The following ENOX1 variants were observed in gnomAD, a reference collection of about 807,000 sequenced individuals.
The protein encoded by ENOX1 is candidate growth-related and time keeping constitutive hydroquinone (NADH) oxidase.
Under a neutral mutation model 82.5 loss-of-function variants are expected in ENOX1, and 42 were observed. The observed-to-expected ratio is 0.51, with a 90% confidence interval of 0.40 to 0.66. ENOX1 has a LOEUF of 0.66. ENOX1 is among the 30% of genes least tolerant of loss of function. ENOX1 has a pLI of 0.00. For synonymous variants in ENOX1, 271 were observed against 282.2 expected (o/e 0.96, Z 0.40); for missense variants, 608 against 811.6 (o/e 0.75, Z 3.05).
In ENOX1 at chr13:43,780,139, C is replaced by A. The variant is rs547225127; in HGVS notation, c.-285+6513G>T. Among the ~76,000 whole-genome samples, 43 of 146,346 alleles carry A rather than the reference C, an allele frequency of 2.9e-4. No homozygotes were observed. In the East Asian group the frequency reaches 8.6e-3, roughly 29 times the overall value. ...TGGTGCCACTGCACTCCAGCCTGGG[C>A]GACAGAGCGAGACTCTGTCTCAAAA... On this transcript the variant is annotated intron_variant, in intron 1 of 16. Transcript: ENST00000690772.
intron 1 of ENOX1, among the ~76,000 whole-genome samples, chr13:43,781,342 G>C (rs1487473188): frequency 2.0e-5 from 3 of 152,076 alleles, no homozygotes; most frequent in African/African-American, 7.2e-5. Context: ...GTAGGTACCG[G>C]GCACTGTTCT....
intron 2 of ENOX1, among the ~76,000 whole-genome samples, chr13:43,577,670 C>G (rs1304001836): frequency 6.6e-6 from 1 of 152,218 alleles, no homozygotes; most frequent in Non-Finnish European, 1.5e-5. Flanking sequence ...CAAAGGACCC[C>G]ACTTCACAAT....
rs1220568182 is a variant in ENOX1, at chr13:43,294,874, C to T, written c.1446+3472G>A. On this transcript the variant is annotated intron_variant, in intron 12 of 16. Transcript: ENST00000690772. ...TGCTAAAGAAAGAAGCCCAACTCAA[C>T]AGGTTGCCTACTGTTCAATTCCCCT... Among the ~76,000 whole-genome samples the T allele has an allele frequency of 2.6e-5, 4 of 152,276 alleles. No homozygotes were observed. The East Asian group carries it at 7.7e-4, about 29-fold the overall frequency.
chr13:43,769,670 G>A (rs977633160), intron 1 of ENOX1, among the ~76,000 whole-genome samples: 4 of 152,134 alleles, frequency 2.6e-5, no homozygotes, highest in African/African-American at 9.7e-5. Context: ...CACCCACCAA[G>A]CACTAGGCTT....
At chr13:43,380,271 A>T (rs560382299) in intron 5 of ENOX1, among the ~76,000 whole-genome samples, 48 of 151,850 alleles carry the variant, frequency 3.2e-4, no homozygotes, top group African/African-American at 9.1e-4. Flanking sequence ...AGAAAAAAAA[A>T]ATTTTTACTT....
intron 2 of ENOX1, among the ~76,000 whole-genome samples, chr13:43,489,204 C>T (rs940304553): frequency 1.3e-5 from 2 of 152,068 alleles, no homozygotes; most frequent in Admixed American, 1.3e-4. Context: ...AGTGCTAGGG[C>T]TTTGAGGGCA....
intron 3 of ENOX1, among the ~76,000 whole-genome samples, chr13:43,418,192 G>A (rs1158680716): frequency 6.6e-6 from 1 of 151,416 alleles, no homozygotes; most frequent in Non-Finnish European, 1.5e-5. Context: ...AGTTGCCAGA[G>A]TGAGACTCCA....
chr13:43,396,882 A>G (rs1208509269), intron 5 of ENOX1, among the ~76,000 whole-genome samples: 3 of 152,224 alleles, frequency 2.0e-5, no homozygotes, highest in Non-Finnish European at 4.4e-5. Context: ...CCTGCCTTTG[A>G]CAGCTAGGCA....
At chr13:43,294,625 G>T (rs767842915) in intron 12 of ENOX1, among the ~76,000 whole-genome samples, 2 of 152,094 alleles carry the variant, frequency 1.3e-5, no homozygotes, top group Non-Finnish European at 2.9e-5. Flanking sequence ...CACATTCCTA[G>T]GATTTACTCA....
chr13:43,623,370 T>C lies in ENOX1; in HGVS notation c.-219+44109A>G, dbSNP rs529966679. Among the ~76,000 whole-genome samples, 14 of 152,264 alleles carry C rather than the reference T, an allele frequency of 9.2e-5. No homozygotes were observed. The South Asian group carries it at 2.3e-3, about 25-fold the overall frequency. On this transcript the variant is annotated intron_variant, in intron 2 of 16. Coordinates refer to ENST00000690772, the MANE Select transcript of ENOX1 (RefSeq NM_001347969.2). ...CTGCTCCTCTCCTGTTGGATCCCCA[T>C]GGTGCCAGGCAGGAATGGCCTGCTA...
intron 9 of ENOX1, among the ~76,000 whole-genome samples, chr13:43,335,379 C>T (rs2048638352): frequency 6.6e-6 from 1 of 152,158 alleles, no homozygotes; most frequent in Non-Finnish European, 1.5e-5. Context: ...CCTTACTTTT[C>T]CTCAATTTGA....
chr13:43,287,330 G>A (rs765948638), intron 12 of ENOX1, among the ~76,000 whole-genome samples: 4 of 152,154 alleles, frequency 2.6e-5, no homozygotes, highest in Admixed American at 6.5e-5. Context: ...CTTCTTTTAA[G>A]CCTCAACATC....
chr13:43,215,130 C>A (rs183551046), intron 16 of ENOX1, among the ~76,000 whole-genome samples: 1 of 152,208 alleles, frequency 6.6e-6, no homozygotes, highest in Non-Finnish European at 1.5e-5. Context: ...GTAGAGATAT[C>A]ATTTTAGAGT....
At chr13:43,781,328 T>C (rs930838542) in intron 1 of ENOX1, among the ~76,000 whole-genome samples, 9 of 152,302 alleles carry the variant, frequency 5.9e-5, no homozygotes, top group Admixed American at 5.2e-4. Flanking sequence ...CCAGGCTATA[T>C]GTCGTAGGTA....
intron 2 of ENOX1, among the ~76,000 whole-genome samples, chr13:43,519,028 T>G (rs905261326): frequency 1.3e-5 from 2 of 152,182 alleles, no homozygotes; most frequent in Non-Finnish European, 2.9e-5. Context: ...TTAGCAAATC[T>G]TGTTTCCTTT....
At chr13:43,508,236 C>T (rs763454104) in intron 2 of ENOX1, among the ~76,000 whole-genome samples, 1 of 151,870 alleles carries the variant, frequency 6.6e-6, no homozygotes, top group Non-Finnish European at 1.5e-5. Flanking sequence ...AGGGAACTGG[C>T]GTAGGTCCTT....
At chr13:43,558,056 TGC>T in intron 2 of ENOX1, among the ~76,000 whole-genome samples, 1 of 152,170 alleles carries the variant, frequency 6.6e-6, no homozygotes, top group Non-Finnish European at 1.5e-5. Flanking sequence ...CCATGAGAGC[TGC>T]ACCATGAGTA....
intron 2 of ENOX1, among the ~76,000 whole-genome samples, chr13:43,585,878 A>G (rs564430927): frequency 6.6e-6 from 1 of 152,328 alleles, no homozygotes; most frequent in South Asian, 2.1e-4. Context: ...CACCTGGCCA[A>G]GTTTTGTTTT....
At chr13:43,620,523 G>A (rs2082678577) in intron 2 of ENOX1, among the ~76,000 whole-genome samples, 1 of 152,060 alleles carries the variant, frequency 6.6e-6, no homozygotes, top group East Asian at 1.9e-4. Flanking sequence ...TTCAGGAGCT[G>A]GTTATTTAAT....
Sources: allele counts gnomAD v4.1 joint callset (sites outside exome capture counted in the v4.1 genomes callset), GRCh38; gene constraint gnomAD v4.1.1; transcripts MANE v1.5; gene names NCBI Gene and HGNC (gene_info 2026-07-23, HGNC 2026-07-21).